Variants in VWA3B observed in about 807,000 individuals in gnomAD.
VWA3B encodes von Willebrand factor A domain-containing protein 3B.
In VWA3B, 138 loss-of-function variants were observed where a neutral mutation model predicts 158.3. The ratio of observed to expected loss-of-function variants is 0.87; its 90% CI spans 0.76 to 1.00. The LOEUF (loss-of-function observed/expected upper bound fraction) is 1.00, where lower values mean the gene tolerates loss of function less well. VWA3B is among the 50% of genes least tolerant of loss of function. VWA3B has a pLI of 0.00. For synonymous variants in VWA3B, 596 were observed against 587.3 expected (o/e 1.01, Z -0.21); for missense variants, 1,555 against 1,565.1 (o/e 0.99, Z 0.11).
chr2:98,121,219 C>T, intron 4 of VWA3B, 80 bp from the exon 5 acceptor site: 1 of 1,529,156 alleles, frequency 6.5e-7, no homozygotes, highest in South Asian at 1.2e-5. Context: ...CAGCTTGCTG[C>T]TCATGGCTGT....
In VWA3B at chr2:98,093,125, TG is replaced by T; in HGVS notation, c.34del (p.Glu12SerfsTer39). The T allele has an allele frequency of 6.2e-7, 1 of 1,614,074 alleles. No homozygotes were observed. Among genetic ancestry groups the T allele is most frequent in the Non-Finnish European group, 8.5e-7 (1 of 1,179,992 alleles). On this transcript the variant is annotated frameshift_variant, in exon 2 of 28. Transcript: ENST00000477737. LOFTEE classifies it high-confidence loss of function. ...AATCAGGCCCATCTTCTACCATCTC[TG>T]AGCAGCAGCTGCAGAGGCAAGAGGG... ...EKSGPSSTIS[E>X]QQLQRQEGWI... is the part of the protein sequence containing the mutation.
intron 2 of VWA3B, among the ~76,000 whole-genome samples, chr2:98,109,678 A>G (rs917048906): frequency 2.0e-5 from 3 of 152,082 alleles, no homozygotes; most frequent in Admixed American, 2.0e-4. Context: ...TTATTCTTTA[A>G]GAGTAGCTCT....
intron 22 of VWA3B, among the ~76,000 whole-genome samples, chr2:98,288,681 A>T (rs757504610): frequency 6.6e-5 from 10 of 152,190 alleles, no homozygotes; most frequent in Non-Finnish European, 1.2e-4. Context: ...CTCTATGAAA[A>T]ATATTATAAT....
chr2:98,211,957 G>C lies in VWA3B; in HGVS notation c.1765G>C (p.Ala589Pro), dbSNP rs1213773199. Residue 589 changes from alanine (A) to proline (P), a missense_variant, in exon 13 of 28, where the codon GCC becomes CCC. Physicochemically the swap from Ala to Pro is conservative, Grantham distance 27. Coordinates refer to ENST00000477737, the MANE Select transcript of VWA3B (RefSeq NM_144992.5). ...KIGSSTNTLS[A>P]LKTAFADKET... Reference sequence around the variant, plus strand: ...TGGAAGCTCCACAAACACCCTGAGTGCCCTGAAAACTGCTTTTGCTGATAA... The same window carrying C: ...TGGAAGCTCCACAAACACCCTGAGTCCCCTGAAAACTGCTTTTGCTGATAA... 1 of 1,614,094 alleles carries C rather than the reference G, an allele frequency of 6.2e-7. No individual in the cohort carries two copies.
chr2:98,144,784 C>A (rs1677045968), intron 7 of VWA3B, among the ~76,000 whole-genome samples: 1 of 150,010 alleles, frequency 6.7e-6, no homozygotes, highest in Non-Finnish European at 1.5e-5. Context: ...CTAGTCTGGT[C>A]TTGAACTCCT....
chr2:98,239,819 CAGG>C (rs1160418455), intron 19 of VWA3B, among the ~76,000 whole-genome samples: 6 of 150,864 alleles, frequency 4.0e-5, no homozygotes, highest in Admixed American at 4.0e-4. Flanking sequence ...GAGGCTGAGG[CAGG>C]AGAATTGCTT....
Position 98,270,665 on chromosome 2 carries a change from GTTTC to G in VWA3B, c.2844-13_2844-10del. Reference sequence around the variant, plus strand: ...TGTTTCTTCCTCTGTTTGTTTGTTTGTTTCTTTGTTTTTTAGGTTAGATGCAAAC... The same window carrying G: ...TGTTTCTTCCTCTGTTTGTTTGTTTGTTTGTTTTTTAGGTTAGATGCAAAC... On this transcript the variant is annotated splice_polypyrimidine_tract_variant and intron_variant, in intron 21 of 27. Coordinates refer to ENST00000477737, the MANE Select transcript of VWA3B (RefSeq NM_144992.5). 6.2e-7 allele frequency: 1 copy of G among 1,601,702 alleles called. No homozygotes were observed. The highest frequency in any genetic ancestry group is 8.5e-7 in the Non-Finnish European group (1 of 1,173,330).
rs752917217 is a variant in VWA3B, at chr2:98,192,960, A to G, written c.1529A>G (p.Tyr510Cys). Reference protein sequence around the residue: ...LFGRLHNDCIYILIDTSHSMK... With the variant: ...LFGRLHNDCICILIDTSHSMK... Reference sequence around the variant, plus strand: ...GGAAGATTGCATAATGATTGCATCTACATTCTCATTGACACGTCTCACTCA... The same window carrying G: ...GGAAGATTGCATAATGATTGCATCTGCATTCTCATTGACACGTCTCACTCA... Residue 510 changes from tyrosine to cysteine, a missense_variant, in exon 11 of 28, where the codon TAC becomes TGC. By Grantham distance (194) the Tyr-to-Cys change is radical (BLOSUM62 -2). Coordinates refer to ENST00000477737, the MANE Select transcript of VWA3B (RefSeq NM_144992.5). 9.9e-6 allele frequency: 16 copies of G among 1,614,102 alleles called. No homozygotes were observed. The Admixed American group carries it at 1.3e-4, about 13-fold the overall frequency.
chr2:98,231,391 A>C (rs1685323339), intron 16 of VWA3B, among the ~76,000 whole-genome samples: 1 of 152,224 alleles, frequency 6.6e-6, no homozygotes, highest in Non-Finnish European at 1.5e-5. Flanking sequence ...ACATAACCAC[A>C]TTAATCAAGA....
chr2:98,253,293 C>G (rs1370393054), intron 20 of VWA3B, among the ~76,000 whole-genome samples: 1 of 152,128 alleles, frequency 6.6e-6, no homozygotes, highest in African/African-American at 2.4e-5. Context: ...TTAAAAACAA[C>G]CTTTGTGTAA....
chr2:98,298,028 C>G lies in VWA3B; in HGVS notation c.3279C>G (p.Leu1093=). ...GGGGCGCCATGCCCTGCCCGCTGCT[C>G]CAGGTACCCAGTCCCTGATGTGTTC... ...PVGGAMPCPL[L]QVGDYVFAKI... is the part of the protein sequence containing the mutation. Residue 1093 remains leucine (L), a synonymous_variant, in exon 24 of 28, where the codon CTC becomes CTG. Transcript: ENST00000477737. 2 of 1,554,654 alleles carry G rather than the reference C, an allele frequency of 1.3e-6. No individual in the cohort carries two copies. Among genetic ancestry groups the G allele is most frequent in the Non-Finnish European group, 1.7e-6 (2 of 1,152,386 alleles).
rs188730342 is a variant in VWA3B, at chr2:98,216,301, G to T, written c.1837-1545G>T. 4.1e-3 allele frequency among the ~76,000 whole-genome samples: 621 copies of T among 152,360 alleles called. 6 individuals carry two copies. The highest frequency in any genetic ancestry group is 4.0e-3 in the Non-Finnish European group (270 of 68,042). On this transcript the variant is annotated intron_variant, in intron 13 of 27. Transcript: ENST00000477737. ...GGCATCCATAGTGTAAGCTGGCAGG[G>T]TCTTTGCTGGGAACAGCCCCATGCA...
At chr2:98,318,650 A>G in the VWA3B span, among the ~76,000 whole-genome samples, 11 of 152,318 alleles carry the variant, frequency 7.2e-5, no homozygotes, top group African/African-American at 2.2e-4. Context: ...GGGTGATGAA[A>G]TAATCTGTAT....
chr2:98,109,606 G>T (rs547388875), intron 2 of VWA3B, among the ~76,000 whole-genome samples: 1 of 152,250 alleles, frequency 6.6e-6, no homozygotes, highest in African/African-American at 2.4e-5. Context: ...TACTGTGTTC[G>T]TCTTTCCTGA....
At chr2:98,327,171 T>G in the VWA3B span, among the ~76,000 whole-genome samples, 1 of 151,794 alleles carries the variant, frequency 6.6e-6, no homozygotes, top group Non-Finnish European at 1.5e-5. Flanking sequence ...CACATGCCTG[T>G]AGTCCCAGCT....
At chr2:98,283,421 G>A (rs529441716) in intron 22 of VWA3B, among the ~76,000 whole-genome samples, 5 of 152,208 alleles carry the variant, frequency 3.3e-5, no homozygotes, top group South Asian at 2.1e-4. Flanking sequence ...TGGCTTTTCC[G>A]TAAAGGCTTT....
intron 23 of VWA3B, among the ~76,000 whole-genome samples, chr2:98,292,661 C>T (rs938131045): frequency 6.6e-6 from 1 of 151,884 alleles, no homozygotes; most frequent in African/African-American, 2.4e-5. Context: ...AACTAGTAGT[C>T]GAATGAAAAT....
intron 15 of VWA3B, among the ~76,000 whole-genome samples, chr2:98,229,244 A>G (rs1214471851): frequency 6.6e-6 from 1 of 152,364 alleles, no homozygotes; most frequent in African/African-American, 2.4e-5. Flanking sequence ...GAAGCCATTT[A>G]TTGAGTACAA....
chr2:98,159,081 TTTTCTCCTTGACATCAAAAC>T (rs1678353935), intron 7 of VWA3B, among the ~76,000 whole-genome samples: 2 of 152,188 alleles, frequency 1.3e-5, no homozygotes, highest in African/African-American at 2.4e-5. Context: ...TCCTGTGGAC[TTTTCTCCTTGACATCAAAAC>T]TTCCTGTCCT....
Sources: gnomAD v4.1 joint callset for allele counts (sites outside exome capture counted in the v4.1 genomes callset) on GRCh38, gnomAD v4.1.1 for gene constraint, MANE v1.5 for transcripts, NCBI Gene and HGNC (gene_info 2026-07-23, HGNC 2026-07-21) for gene names.